SFT2D1: variants seen among roughly 807,000 people sequenced by gnomAD.
The protein encoded by SFT2D1 is SFT2 domain containing 1.
A neutral mutation model predicts 28.1 loss-of-function variants in SFT2D1; 24 were observed. The observed-to-expected ratio is 0.85, with a 90% confidence interval of 0.62 to 1.20. The LOEUF (loss-of-function observed/expected upper bound fraction) is 1.20. Among genes scored for constraint, SFT2D1 ranks in the 50% most tolerant of loss-of-function variants. The pLI, the probability that SFT2D1 is intolerant of heterozygous loss-of-function variation, is 0.00. For missense variants in SFT2D1, 181 were observed against 190.9 expected, an observed-to-expected ratio of 0.95 and a Z score of 0.31; for synonymous variants, 82 against 73.7, an observed-to-expected ratio of 1.11 and a Z score of -0.58.
chr6:166,327,096 GGA>G (rs5881692), intron 4 of SFT2D1, among the ~76,000 whole-genome samples: 2,797 of 152,250 alleles, frequency 0.018, 80 homozygotes, highest in South Asian at 0.074. Flanking sequence ...TGAGGAGATG[GGA>G]GAAGACTGCC....
At chr6:166,333,452 C>T (rs952426180) in intron 1 of SFT2D1, among the ~76,000 whole-genome samples, 2 of 152,210 alleles carry the variant, frequency 1.3e-5, no homozygotes, top group Admixed American at 6.5e-5. Flanking sequence ...TGCCGCTCTC[C>T]GACCCGTTTC....
At chr6:166,328,564 G>C (rs868199358) in intron 3 of SFT2D1, among the ~76,000 whole-genome samples, 10 of 151,770 alleles carry the variant, frequency 6.6e-5, no homozygotes, top group South Asian at 2.1e-4. Context: ...TCTCCAAAAT[G>C]TAAGTGTCTT....
At chr6:166,337,928 C>T (rs9356478) in intron 1 of SFT2D1, among the ~76,000 whole-genome samples, 116,154 of 151,892 alleles carry the variant, frequency 0.76, 44,616 homozygotes, top group East Asian at 0.93. Context: ...ATGGGATCCA[C>T]GCCCTAATAA....
intron 5 of SFT2D1, among the ~76,000 whole-genome samples, chr6:166,324,894 T>C (rs1778416349): frequency 6.6e-6 from 1 of 152,244 alleles, no homozygotes; most frequent in African/African-American, 2.4e-5. Flanking sequence ...TGGTTAGGTC[T>C]TTAAAGTCAA....
intron 1 of SFT2D1, chr6:166,334,565 T>C (rs2114908205): frequency 6.0e-6 from 1 of 166,678 alleles, no homozygotes; most frequent in Non-Finnish European, 1.3e-5. Flanking sequence ...TGCACTCCAG[T>C]GTAAGTCAGA....
intron 1 of SFT2D1, chr6:166,335,059 G>A: frequency 1.8e-6 from 1 of 546,558 alleles, no homozygotes; most frequent in Non-Finnish European, 3.5e-6. Context: ...GGACAAGACT[G>A]TCACTCAGAA....
At chr6:166,342,308 G>A in intron 1 of SFT2D1, 111 bp downstream of exon 1, 1 of 915,328 alleles carries the variant, frequency 1.1e-6, no homozygotes, top group Non-Finnish European at 1.6e-6. Context: ...CAGCCGGGCA[G>A]AGGAGTCCCA....
chr6:166,321,663 T>C (rs951839585), intron 7 of SFT2D1, among the ~76,000 whole-genome samples: 6 of 152,238 alleles, frequency 3.9e-5, no homozygotes, highest in Admixed American at 2.0e-4. Flanking sequence ...TTTAAATATA[T>C]AACATATCTT....
chr6:166,326,543 G>C (rs1166870092), intron 4 of SFT2D1, among the ~76,000 whole-genome samples: 1 of 152,160 alleles, frequency 6.6e-6, no homozygotes, highest in Non-Finnish European at 1.5e-5. Context: ...GAAGTCAGTG[G>C]ACTCGTCTAA....
chr6:166,330,300 G>T, intron 1 of SFT2D1, 53 bp from the exon 2 acceptor site: 2 of 1,203,928 alleles, frequency 1.7e-6, no homozygotes, highest in Non-Finnish European at 2.4e-6. Context: ...CTACCAATCT[G>T]ATTCTTTATA....
chr6:166,327,422 A>G (rs1430819764), intron 4 of SFT2D1, among the ~76,000 whole-genome samples: 1 of 152,210 alleles, frequency 6.6e-6, no homozygotes, highest in Non-Finnish European at 1.5e-5. Context: ...CCCAGGCTCA[A>G]GATAATAAGA....
Position 166,330,961 on chromosome 6 carries a change from G to C in SFT2D1, c.64-714C>G, listed in dbSNP as rs146447311. Reference sequence around the variant, plus strand: ...TTCAGTCCAACCCATGAAAGTTTTGGGCCCCTCCTCCACCACTGTAAAAAC... The same window carrying C: ...TTCAGTCCAACCCATGAAAGTTTTGCGCCCCTCCTCCACCACTGTAAAAAC... On this transcript the variant is annotated intron_variant, in intron 1 of 7. Transcript: ENST00000361731. 3.6e-3 allele frequency among the ~76,000 whole-genome samples: 545 copies of C among 152,240 alleles called. 4 individuals are homozygous for C. The highest frequency in any genetic ancestry group is 0.012 in the African/African-American group (506 of 41,544).
chr6:166,324,470 T>G (rs929790552), intron 6 of SFT2D1, 67 bp downstream of exon 6: 14 of 1,492,628 alleles, frequency 9.4e-6, no homozygotes, highest in Non-Finnish European at 1.2e-5. Flanking sequence ...GCTTCACAGG[T>G]CCCAAACAAA....
chr6:166,323,545 C>A (rs1778393353), intron 6 of SFT2D1: 1 of 152,244 alleles, frequency 6.6e-6, no homozygotes, highest in African/African-American at 2.4e-5. Flanking sequence ...CAGAAGAGCG[C>A]AGGAGCTGCA....
intron 1 of SFT2D1, among the ~76,000 whole-genome samples, chr6:166,339,827 C>T (rs1778740407): frequency 6.6e-6 from 1 of 152,182 alleles, no homozygotes; most frequent in South Asian, 2.1e-4. Context: ...CTAGAGAAAA[C>T]CAGAGGTCAA....
intron 6 of SFT2D1, 136 bp downstream of exon 6, chr6:166,324,401 T>TC: frequency 2.8e-6 from 2 of 711,192 alleles, no homozygotes; most frequent in South Asian, 4.0e-5. Context: ...ATCGCAGACC[T>TC]CCCCTCCTCT....
At chr6:166,334,972 G>T in intron 1 of SFT2D1, 1 of 474,410 alleles carries the variant, frequency 2.1e-6, no homozygotes, top group South Asian at 1.7e-5. Context: ...AAACTGAAGT[G>T]ACTGAAATCA....
At chr6:166,335,278 T>A in intron 1 of SFT2D1, 1 of 582,370 alleles carries the variant, frequency 1.7e-6, no homozygotes, top group East Asian at 4.3e-5. Flanking sequence ...TCCACAGCGG[T>A]GGCGGTGGAT....
At chr6:166,338,990 G>C (rs1298544715) in intron 1 of SFT2D1, among the ~76,000 whole-genome samples, 1 of 152,032 alleles carries the variant, frequency 6.6e-6, no homozygotes, top group African/African-American at 2.4e-5. Flanking sequence ...AACTGGCCTA[G>C]AACCATCCCT....
Sources: allele counts gnomAD v4.1 joint callset (sites outside exome capture counted in the v4.1 genomes callset), GRCh38; gene constraint gnomAD v4.1.1; transcripts MANE v1.5; gene names NCBI Gene and HGNC (gene_info 2026-07-23, HGNC 2026-07-21).